GNAS: variants seen among roughly 807,000 people sequenced by gnomAD.
GNAS encodes protein ALEX.
A neutral mutation model predicts 54.5 loss-of-function variants in GNAS; 8 were observed. That is an observed-to-expected ratio of 0.15 (90% confidence interval 0.09 to 0.26). The LOEUF is 0.26. Among genes scored for constraint, GNAS ranks in the 10% least tolerant of loss-of-function variants. The pLI, the probability that GNAS is intolerant of heterozygous loss-of-function variation, is 1.00. For synonymous variants in GNAS, 204 were observed against 191.4 expected (o/e 1.07, Z -0.54); for missense variants, 170 against 529.8 (o/e 0.32, Z 6.67).
chr20:58,897,308 T>C (rs1173493970), intron 2 of GNAS: 2 of 152,208 alleles, frequency 1.3e-5, no homozygotes, highest in African/African-American at 2.4e-5. Flanking sequence ...GAGACAGACT[T>C]CCAACCATGA....
chr20:58,891,133 T>TG (rs1184240765), upstream of GNAS, among the ~76,000 whole-genome samples: 3 of 140,670 alleles, frequency 2.1e-5, no homozygotes, highest in South Asian at 2.7e-4. Flanking sequence ...GCCCGGGGGG[T>TG]GGGGGGCGTC....
intron 1 of GNAS, chr20:58,850,836 C>T: frequency 2.5e-6 from 1 of 398,820 alleles, no homozygotes; most frequent in African/African-American, 2.1e-5. Flanking sequence ...CCGCCATACA[C>T]CCGCCCCCCA....
At chr20:58,903,509 T>G in intron 3 of GNAS, 22 bp from the exon 4 acceptor site, 1 of 1,604,336 alleles carries the variant, frequency 6.2e-7, no homozygotes, top group East Asian at 2.2e-5. Flanking sequence ...ATGATTTTCT[T>G]TTCTTTTCAA....
chr20:58,900,910 C>G (rs1284758947), intron 3 of GNAS, among the ~76,000 whole-genome samples: 1 of 152,188 alleles, frequency 6.6e-6, no homozygotes, highest in Non-Finnish European at 1.5e-5. Context: ...TACTCCCACA[C>G]CTATTCACAT....
At position 58,853,297 on chromosome 20, in the gene GNAS, A is replaced by G. The variant is rs1388544832; in HGVS notation, c.43+12411A>G. ...GTGCGCAACTGCCTCTACGGCAATA[A>G]TATGTCAGGACAACGCGATATCCCC... is the stretch of plus-strand genomic sequence containing the variant. On this transcript the variant is annotated intron_variant, in intron 1 of 12. Transcript: ENST00000306090. The surrounding 1 kb of genome is among the most constrained non-coding windows in gnomAD (Gnocchi z 4.4). 7 of 1,549,810 alleles carry G rather than the reference A, an allele frequency of 4.5e-6. No individual in the cohort carries two copies. Among genetic ancestry groups the G allele is most frequent in the Admixed American group, 2.0e-5 (1 of 50,968 alleles).
intron 1 of GNAS, among the ~76,000 whole-genome samples, chr20:58,852,096 C>T (rs1016737795): frequency 2.0e-5 from 3 of 152,112 alleles, no homozygotes; most frequent in Admixed American, 1.3e-4. Flanking sequence ...CAGCACGCCC[C>T]CCACCCCTCT....
intron 1 of GNAS, among the ~76,000 whole-genome samples, chr20:58,874,855 A>G (rs2087705792): frequency 6.6e-6 from 1 of 152,234 alleles, no homozygotes; most frequent in Non-Finnish European, 1.5e-5. Flanking sequence ...TTCAAATACT[A>G]TAATTAATTT....
intron 1 of GNAS, among the ~76,000 whole-genome samples, chr20:58,870,220 A>G (rs2087350403): frequency 6.6e-6 from 1 of 152,212 alleles, no homozygotes; most frequent in Admixed American, 6.5e-5. Flanking sequence ...CCTCCCACCC[A>G]TCTATTTAAA....
intron 1 of GNAS, chr20:58,854,558 C>G: frequency 6.4e-7 from 1 of 1,565,680 alleles, no homozygotes; most frequent in South Asian, 1.2e-5. Context: ...ATCCCGACTC[C>G]GGGGCAGCCC....
chr20:58,889,587 C>CT (rs993093288), upstream of GNAS: 3 of 152,346 alleles, frequency 2.0e-5, no homozygotes, highest in African/African-American at 7.3e-5. Flanking sequence ...TTGCACTTTT[C>CT]TTTTTGAGTT....
At chr20:58,892,721 C>G (rs1467490631) in intron 1 of GNAS, among the ~76,000 whole-genome samples, 2 of 151,996 alleles carry the variant, frequency 1.3e-5, no homozygotes, top group African/African-American at 4.8e-5. Context: ...AAAATAAGAC[C>G]ACCCCCCAAC....
chr20:58,910,429 C>T lies in GNAS; in HGVS notation c.1038+28C>T, dbSNP rs1217735594. 1.3e-6 allele frequency: 2 copies of T among 1,514,082 alleles called. No individual in the cohort carries two copies. The highest frequency in any genetic ancestry group is 1.4e-5 in the African/African-American group (1 of 73,058). 93.8% of individuals were successfully genotyped at this position (1,514,082 alleles called of 1,614,324 possible). A position where few individuals can be genotyped will look rare whatever the true frequency, so the allele number is the denominator to read the frequency against. ...GAGTCGAGCCTGTCTTTAGTTTCCT[C>T]TCTTGTTCCTCCTCTTTTTCTCATG... is the stretch of plus-strand genomic sequence containing the variant. On this transcript the variant is annotated intron_variant, in intron 12 of 12. Coordinates refer to ENST00000371085, the MANE Select transcript of GNAS (RefSeq NM_000516.7). The surrounding 1 kb of genome is among the most constrained non-coding windows in gnomAD (Gnocchi z 5.8).
intron 1 of GNAS, among the ~76,000 whole-genome samples, chr20:58,859,240 A>G (rs1356054772): frequency 6.6e-6 from 1 of 152,172 alleles, no homozygotes. Flanking sequence ...TCCCTCTGTC[A>G]CCCAGGCTGG....
At chr20:58,888,522 C>G (rs367583895), upstream of GNAS, 6 of 152,206 alleles carry the variant, frequency 3.9e-5, no homozygotes, top group African/African-American at 1.4e-4. Context: ...GTTCACGTTC[C>G]GTAAACTACT....
At chr20:58,874,574 G>A (rs1289956696) in intron 1 of GNAS, among the ~76,000 whole-genome samples, 1 of 151,732 alleles carries the variant, frequency 6.6e-6, no homozygotes, top group African/African-American at 2.4e-5. Context: ...GCTGGCCCCC[G>A]TCTTAGCTCT....
At position 58,910,644 on chromosome 20, in the gene GNAS, G is replaced by A. The variant is rs6026598; in HGVS notation, c.1039-39G>A. ...CATCAGGGATAGGGTGGTTCCTGGC[G>A]AGGGTGTCACTGACAAGTCCCCTTG... On this transcript the variant is annotated intron_variant, in intron 12 of 12. Coordinates refer to ENST00000371085, the MANE Select transcript of GNAS (RefSeq NM_000516.7). This position sits in a 1 kb window ranked among gnomAD's most constrained non-coding sequence, Gnocchi z 5.8. 586 of 1,613,174 alleles carry A rather than the reference G, an allele frequency of 3.6e-4. No homozygotes were observed. In the African/African-American group the frequency reaches 5.3e-3, roughly 15 times the overall value.
intron 1 of GNAS, among the ~76,000 whole-genome samples, chr20:58,859,568 G>A (rs753444551): frequency 2.0e-5 from 3 of 151,700 alleles, no homozygotes; most frequent in South Asian, 2.1e-4. Context: ...CAATAAAAAC[G>A]TGATAGGGCC....
At chr20:58,848,741 C>A in intron 1 of GNAS, 1 of 394,704 alleles carries the variant, frequency 2.5e-6, no homozygotes, top group Non-Finnish European at 4.5e-6. Flanking sequence ...CCGATCACCC[C>A]CAGCTCTTAC....
At chr20:58,866,189 C>T (rs1333151010) in intron 1 of GNAS, among the ~76,000 whole-genome samples, 1 of 152,154 alleles carries the variant, frequency 6.6e-6, no homozygotes, top group Non-Finnish European at 1.5e-5. Flanking sequence ...GCTGGGTCTC[C>T]CTAGTCTCAG....
Sources: gnomAD v4.1 joint callset for allele counts (sites outside exome capture counted in the v4.1 genomes callset) on GRCh38, gnomAD v4.1.1 for gene constraint, Gnocchi (gnomAD v3.1) non-coding constraint, MANE v1.5 for transcripts, NCBI Gene and HGNC (gene_info 2026-07-23, HGNC 2026-07-21) for gene names.